GSG1L2: variants seen among roughly 807,000 people sequenced by gnomAD.
GSG1L2 encodes the protein GSG1 like 2.
Under a neutral mutation model 9.0 loss-of-function variants are expected in GSG1L2, and 15 were observed. The observed-to-expected ratio is 1.67, with a 90% CI of 1.12 to 2.57. GSG1L2 has a LOEUF of 2.57. Ranked by LOEUF, GSG1L2 falls within the 30% of genes most tolerant of loss-of-function variation. The pLI is 0.00. For synonymous variants in GSG1L2, 127 were observed against 57.9 expected (o/e 2.19, Z -5.41); for missense variants, 286 against 150.3 (o/e 1.90, Z -4.72).
At chr17:9,819,666 C>G (rs780294341) in intron 1 of GSG1L2, among the ~76,000 whole-genome samples, 3 of 151,972 alleles carry the variant, frequency 2.0e-5, no homozygotes, top group Admixed American at 6.6e-5. Context: ...GAGTTTTGCT[C>G]TTGTTGCCCA....
chr17:9,817,573 C>T (rs2066572837), intron 1 of GSG1L2, among the ~76,000 whole-genome samples: 1 of 152,008 alleles, frequency 6.6e-6, no homozygotes, highest in African/African-American at 2.4e-5. Flanking sequence ...TACAGGCACC[C>T]ACCACCACAC....
intron 4 of GSG1L2, 74 bp from the exon 5 acceptor site, chr17:9,802,718 G>C (rs2066501931): frequency 1.2e-5 from 8 of 660,414 alleles, no homozygotes; most frequent in Non-Finnish European, 2.2e-5. Context: ...TCCAGACTGG[G>C]GGTCAATCTG....
At chr17:9,806,249 C>G (rs887754911) in intron 4 of GSG1L2, among the ~76,000 whole-genome samples, 12 of 152,196 alleles carry the variant, frequency 7.9e-5, no homozygotes, top group Non-Finnish European at 1.8e-4. Flanking sequence ...TATCTTCAGG[C>G]AGGCTTTGAG....
intron 1 of GSG1L2, among the ~76,000 whole-genome samples, chr17:9,811,495 T>C (rs1331397270): frequency 2.0e-5 from 3 of 152,194 alleles, no homozygotes; most frequent in Admixed American, 6.5e-5. Context: ...TCTAAGTCCA[T>C]GGATATCCAC....
chr17:9,811,745 C>T (rs1457318795), intron 1 of GSG1L2, among the ~76,000 whole-genome samples: 2 of 152,158 alleles, frequency 1.3e-5, no homozygotes, highest in African/African-American at 4.8e-5. Context: ...GTGACTTGCT[C>T]AAGACAGCGT....
At chr17:9,805,029 A>G (rs1397441236) in intron 4 of GSG1L2, 1 of 152,204 alleles carries the variant, frequency 6.6e-6, no homozygotes, top group African/African-American at 2.4e-5. Flanking sequence ...AGAATTCAAC[A>G]GAAAGGCTGG....
intron 4 of GSG1L2, chr17:9,803,823 G>A (rs535575960): frequency 6.6e-6 from 1 of 152,264 alleles, no homozygotes; most frequent in East Asian, 1.9e-4. Flanking sequence ...ACTTGTCCAC[G>A]ACTACCATTT....
At chr17:9,807,269 A>G (rs532905502) in intron 4 of GSG1L2, among the ~76,000 whole-genome samples, 5 of 152,334 alleles carry the variant, frequency 3.3e-5, no homozygotes, top group African/African-American at 1.2e-4. Context: ...AGTTTTATAA[A>G]CATAATCTCT....
chr17:9,811,996 ACTT>A (rs2066541052), intron 1 of GSG1L2, among the ~76,000 whole-genome samples: 1 of 152,006 alleles, frequency 6.6e-6, no homozygotes, highest in South Asian at 2.1e-4. Context: ...ATCACTTATC[ACTT>A]ATCACTTATC....
At position 9,800,948 on chromosome 17, in the gene GSG1L2, C is replaced by T. The variant is rs1002050893; in HGVS notation, c.*1438G>A. Among the ~76,000 whole-genome samples the T allele has an allele frequency of 3.9e-5, 6 of 152,314 alleles. No homozygotes were observed. Among genetic ancestry groups the T allele is most frequent in the African/African-American group, 7.2e-5 (3 of 41,566 alleles). ...TTGTCTATCTCTCATATATGCTTAGCGCAATGAAACACAAAATTCCACAGA... is the reference window on the plus strand; with the variant it reads ...TTGTCTATCTCTCATATATGCTTAGTGCAATGAAACACAAAATTCCACAGA... On this transcript the variant is annotated 3_prime_UTR_variant, in exon 5 of 5. Coordinates refer to ENST00000399363, the MANE Select transcript of GSG1L2 (RefSeq NM_001310219.2).
intron 1 of GSG1L2, among the ~76,000 whole-genome samples, chr17:9,815,178 G>A (rs1336298069): frequency 6.6e-6 from 1 of 152,164 alleles, no homozygotes; most frequent in Admixed American, 6.5e-5. Context: ...ACGAAGTCAG[G>A]AGATGGAGAC....
At chr17:9,817,443 T>A (rs62066027) in intron 1 of GSG1L2, among the ~76,000 whole-genome samples, 1 of 133,002 alleles carries the variant, frequency 7.5e-6, no homozygotes, top group African/African-American at 2.9e-5. Flanking sequence ...TTTTTTTTTT[T>A]CCTCGAAGTC....
In GSG1L2 at chr17:9,802,482, C is replaced by A. The variant is rs1567708056; in HGVS notation, c.786G>T (p.Trp262Cys). 1 of 702,720 alleles carries A rather than the reference C, an allele frequency of 1.4e-6. No individual in the cohort carries two copies. The highest frequency in any genetic ancestry group is 2.7e-5 in the East Asian group (1 of 37,258). The allele number at this position is 702,720 out of a possible 1,614,324, so 43.5% of individuals were successfully genotyped here. A position where few individuals can be genotyped will look rare whatever the true frequency, so the allele number is the denominator to read the frequency against. The change falls in exon 5 of 5, where the codon TGG (tryptophan) becomes TGT (cysteine). Residue 262 changes from tryptophan to cysteine, a missense_variant. Physicochemically the swap from Trp to Cys is radical, Grantham distance 215. Coordinates refer to ENST00000399363, the MANE Select transcript of GSG1L2 (RefSeq NM_001310219.2). ...CAGGGCAAGGAGCAGCTCCTGTTTT[C>A]CAAATGCTCTCCGAAGCCTCGGGTT... The part of the protein sequence containing the change: ...FLEPEASESI[W>C]KTGAAPCPAE...
At chr17:9,806,462 A>G (rs1181636209) in intron 4 of GSG1L2, among the ~76,000 whole-genome samples, 1 of 152,252 alleles carries the variant, frequency 6.6e-6, no homozygotes, top group Non-Finnish European at 1.5e-5. Context: ...GATTTTTAAC[A>G]ACCATTTACA....
At position 9,808,972 on chromosome 17, in the gene GSG1L2, C is replaced by T; in HGVS notation, c.369G>A (p.Trp123Ter). Reference sequence around the variant, plus strand: ...CCAGGACCTCGCCCCCGATGGACAGCCACAAAACACCTGCCAAAGAACGGG... The same window carrying T: ...CCAGGACCTCGCCCCCGATGGACAGTCACAAAACACCTGCCAAAGAACGGG... Reference protein sequence around the residue: ...VVPAEEQGVLWLSIGGEVLDI... With the variant: ...VVPAEEQGVL The change falls in exon 3 of 5, where the codon TGG (tryptophan) becomes TGA (stop). Residue 123 changes from tryptophan to a stop codon, truncating the protein, a stop_gained. Transcript: ENST00000399363. LOFTEE classifies it high-confidence loss of function. 1 of 703,040 alleles carries T rather than the reference C, an allele frequency of 1.4e-6. No homozygotes were observed. Among genetic ancestry groups the T allele is most frequent in the South Asian group, 1.5e-5 (1 of 67,604 alleles). 43.6% of individuals were successfully genotyped at this position (703,040 alleles called of 1,614,324 possible).
intron 4 of GSG1L2, among the ~76,000 whole-genome samples, chr17:9,807,003 C>T (rs1231436173): frequency 6.6e-6 from 1 of 152,176 alleles, no homozygotes; most frequent in Non-Finnish European, 1.5e-5. Context: ...TTATGTACAT[C>T]TATTTTTAAG....
Position 9,816,781 on chromosome 17 carries a change from C to A in GSG1L2, c.310+4981G>T, listed in dbSNP as rs202152152. Among the ~76,000 whole-genome samples, 23 of 37,060 alleles carry A rather than the reference C, an allele frequency of 6.2e-4. No individual in the cohort carries two copies. The East Asian group carries it at 0.18, about 288-fold the overall frequency. 24.3% of individuals were successfully genotyped at this position (37,060 alleles called of 152,430 possible). A position where few individuals can be genotyped will look rare whatever the true frequency, so the allele number is the denominator to read the frequency against. On this transcript the variant is annotated intron_variant, in intron 1 of 4. Transcript: ENST00000399363. ...TCTGTGTCTGTGTGTGCGTGTGTGT[C>A]TGTGTGTGCGTATCTGTGTATGTGT...
In GSG1L2 at chr17:9,801,890, T is replaced by A. The variant is rs2066498114; in HGVS notation, c.*496A>T. Among the ~76,000 whole-genome samples, 1 of 152,208 alleles carries A rather than the reference T, an allele frequency of 6.6e-6. No homozygotes were observed. Among genetic ancestry groups the A allele is most frequent in the Non-Finnish European group, 1.5e-5 (1 of 68,044 alleles). On this transcript the variant is annotated 3_prime_UTR_variant, in exon 5 of 5. Coordinates refer to ENST00000399363, the MANE Select transcript of GSG1L2 (RefSeq NM_001310219.2). ...AATAACAGGAAACATATTTTGAAAT[T>A]TCTGTCTTCTTGATTCAAATGAAAA...
chr17:9,817,719 C>T (rs2066573366), intron 1 of GSG1L2, among the ~76,000 whole-genome samples: 1 of 152,160 alleles, frequency 6.6e-6, no homozygotes, highest in Admixed American at 6.5e-5. Context: ...GCCACCATAC[C>T]TGGCCCAATG....
Sources: gnomAD v4.1 joint callset for allele counts (sites outside exome capture counted in the v4.1 genomes callset) on GRCh38, gnomAD v4.1.1 for gene constraint, MANE v1.5 for transcripts, NCBI Gene and HGNC (gene_info 2026-07-23, HGNC 2026-07-21) for gene names.